SYT16: variants seen among roughly 807,000 people sequenced by gnomAD.
SYT16 encodes the protein synaptotagmin-16.
Under a neutral mutation model 61.4 loss-of-function variants are expected in SYT16, and 42 were observed. The ratio of observed to expected loss-of-function variants is 0.68; its 90% confidence interval spans 0.53 to 0.89. SYT16 has a LOEUF of 0.89. Ranked by LOEUF, SYT16 falls within the 40% of genes least tolerant of loss-of-function variation. SYT16 has a pLI of 0.00. For missense variants in SYT16, 804 were observed against 807.3 expected, an observed-to-expected ratio of 1.00 and a Z score of 0.05; for synonymous variants, 314 against 302.3, an observed-to-expected ratio of 1.04 and a Z score of -0.40.
intron 1 of SYT16, among the ~76,000 whole-genome samples, chr14:61,863,832 A>T (rs1457180162): frequency 1.3e-5 from 2 of 151,996 alleles, no homozygotes; most frequent in Non-Finnish European, 2.9e-5. Context: ...TTTGCATATC[A>T]ATGCCCAGTT....
chr14:62,023,909 T>C (rs2140770718), intron 3 of SYT16, among the ~76,000 whole-genome samples: 1 of 152,256 alleles, frequency 6.6e-6, no homozygotes, highest in Non-Finnish European at 1.5e-5. Context: ...GTCTTGGCTG[T>C]TTGATTCTAA....
intron 1 of SYT16, among the ~76,000 whole-genome samples, chr14:61,938,035 A>ACACACACACACG (rs2050055263): frequency 1.3e-5 from 2 of 151,624 alleles, no homozygotes; most frequent in African/African-American, 4.8e-5. Flanking sequence ...CAACACACAC[A>ACACACACACACG]CACACACACA....
chr14:62,001,757 A>G (rs1334105000), intron 3 of SYT16, among the ~76,000 whole-genome samples: 1 of 151,960 alleles, frequency 6.6e-6, no homozygotes, highest in African/African-American at 2.4e-5. Flanking sequence ...CAGCTCTCAG[A>G]TATTTTTCTT....
chr14:62,037,515 A>G lies in SYT16; in HGVS notation c.524-32088A>G, dbSNP rs754468470. ...CCTTTATCTGGAATTGTAAAAACCAAACCATCTAAAACTGGAATGTTTTTC... is the reference window on the plus strand; with the variant it reads ...CCTTTATCTGGAATTGTAAAAACCAGACCATCTAAAACTGGAATGTTTTTC... On this transcript the variant is annotated intron_variant, in intron 3 of 7. Coordinates refer to ENST00000683842, the MANE Select transcript of SYT16 (RefSeq NM_001367656.1). 5.3e-5 allele frequency among the ~76,000 whole-genome samples: 8 copies of G among 152,296 alleles called. No individual in the cohort carries two copies. The South Asian group carries it at 6.2e-4, about 12-fold the overall frequency.
At chr14:61,827,905 C>A (rs189299226) in intron 1 of SYT16, among the ~76,000 whole-genome samples, 52 of 152,232 alleles carry the variant, frequency 3.4e-4, no homozygotes, top group Admixed American at 1.6e-3. Flanking sequence ...ATTGTATACA[C>A]CCCAAATTCA....
chr14:62,084,824 C>T (rs549628170), intron 7 of SYT16, among the ~76,000 whole-genome samples: 30 of 152,336 alleles, frequency 2.0e-4, no homozygotes, highest in Admixed American at 1.2e-3. Context: ...TTTCAGAACA[C>T]AGCTAACTCA....
intron 1 of SYT16, among the ~76,000 whole-genome samples, chr14:61,894,508 C>G (rs2048258971): frequency 6.6e-6 from 1 of 152,084 alleles, no homozygotes; most frequent in African/African-American, 2.4e-5. Flanking sequence ...TAGAATAATC[C>G]TGCTGCCAAG....
At chr14:61,863,576 C>T (rs1341090332) in intron 1 of SYT16, among the ~76,000 whole-genome samples, 2 of 152,200 alleles carry the variant, frequency 1.3e-5, no homozygotes, top group Non-Finnish European at 2.9e-5. Flanking sequence ...TTCTCATTCA[C>T]TTGACTTTCT....
intron 1 of SYT16, among the ~76,000 whole-genome samples, chr14:61,840,893 CTT>C (rs1051892543): frequency 6.6e-6 from 1 of 152,028 alleles, no homozygotes; most frequent in African/African-American, 2.4e-5. Context: ...GAAGAGAAGA[CTT>C]GAGTATATTT....
intron 1 of SYT16, among the ~76,000 whole-genome samples, chr14:61,954,948 T>A (rs2050813943): frequency 1.3e-5 from 2 of 152,130 alleles, no homozygotes; most frequent in Admixed American, 1.3e-4. Context: ...TTTTAAAAAA[T>A]ATATATATTT....
At chr14:61,973,327 T>C (rs972923237) in intron 2 of SYT16, among the ~76,000 whole-genome samples, 6 of 152,190 alleles carry the variant, frequency 3.9e-5, no homozygotes, top group African/African-American at 1.4e-4. Flanking sequence ...ACATAGGTAA[T>C]AGTAATAATA....
At chr14:61,955,164 C>G (rs1390636414) in intron 1 of SYT16, among the ~76,000 whole-genome samples, 1 of 151,998 alleles carries the variant, frequency 6.6e-6, no homozygotes, top group Non-Finnish European at 1.5e-5. Flanking sequence ...GTGTAGACAG[C>G]TTGATGTGTT....
chr14:61,826,538 G>A (rs1225322674), intron 1 of SYT16, among the ~76,000 whole-genome samples: 1 of 151,900 alleles, frequency 6.6e-6, no homozygotes, highest in East Asian at 1.9e-4. Context: ...ATTATTTTGC[G>A]AATCCAGGAG....
intron 1 of SYT16, among the ~76,000 whole-genome samples, chr14:61,944,222 G>T (rs1284658181): frequency 2.0e-5 from 3 of 152,086 alleles, no homozygotes; most frequent in Non-Finnish European, 4.4e-5. Context: ...CACTGCTCAA[G>T]GAAATAAGAG....
intron 3 of SYT16, among the ~76,000 whole-genome samples, chr14:62,042,677 G>A (rs192062960): frequency 5.3e-5 from 8 of 152,238 alleles, no homozygotes; most frequent in Admixed American, 2.6e-4. Context: ...TCAGTATTCC[G>A]CTAAACACTC....
chr14:61,982,908 A>AG (rs1405805697), intron 2 of SYT16, among the ~76,000 whole-genome samples: 1 of 152,172 alleles, frequency 6.6e-6, no homozygotes, highest in African/African-American at 2.4e-5. Context: ...TCCTGTCTGG[A>AG]GGATACCACA....
intron 3 of SYT16, among the ~76,000 whole-genome samples, chr14:62,049,943 A>G (rs1417850555): frequency 6.6e-6 from 1 of 152,030 alleles, no homozygotes. Context: ...TCAGACAATT[A>G]TGTGTCTTGG....
chr14:61,942,030 A>G (rs2050231044), intron 1 of SYT16, among the ~76,000 whole-genome samples: 1 of 152,246 alleles, frequency 6.6e-6, no homozygotes, highest in Non-Finnish European at 1.5e-5. Context: ...AATTGGCAGA[A>G]TATACTGCTT....
rs1296886397 is a variant in SYT16 at position 62,109,346 on chromosome 14, A to G, written c.*8639A>G. 2 of 148,586 alleles carry G rather than the reference A, an allele frequency of 1.3e-5. No homozygotes were observed. Among genetic ancestry groups the G allele is most frequent in the East Asian group, 4.0e-4 (2 of 4,990 alleles). The allele number at this position is 148,586 out of a possible 1,614,324, so 9.2% of individuals were successfully genotyped here. On this transcript the variant is annotated 3_prime_UTR_variant, in exon 8 of 8. Coordinates refer to ENST00000683842, the MANE Select transcript of SYT16 (RefSeq NM_001367656.1). ...AGTTTTCATGTCTTTTTATGGCTTGATAGTTCATTTATTTTAAGTGCTGAA... is the reference window on the plus strand; with the variant it reads ...AGTTTTCATGTCTTTTTATGGCTTGGTAGTTCATTTATTTTAAGTGCTGAA...
Sources: allele counts gnomAD v4.1 joint callset (sites outside exome capture counted in the v4.1 genomes callset), GRCh38; gene constraint gnomAD v4.1.1; transcripts MANE v1.5; gene names NCBI Gene and HGNC (gene_info 2026-07-23, HGNC 2026-07-21).